The following TMEM131 variants were observed in gnomAD, a reference collection of about 807,000 sequenced individuals.
The protein encoded by TMEM131 is 2610524E03Rik.
TMEM131 carries 66 observed loss-of-function variants against 211.6 expected under a neutral mutation model. The ratio of observed to expected loss-of-function variants is 0.31; its 90% CI spans 0.26 to 0.38. The LOEUF is 0.38. TMEM131 is among the 10% of genes least tolerant of loss of function. TMEM131 has a pLI of 1.00. For missense variants in TMEM131, 2,036 were observed against 2,299.3 expected (o/e 0.89, Z 2.34); for synonymous variants, 844 against 841.3 (o/e 1.00, Z -0.06).
chr2:97,825,788 T>C (rs1293039125), intron 11 of TMEM131, among the ~76,000 whole-genome samples: 1 of 152,226 alleles, frequency 6.6e-6, no homozygotes, highest in Admixed American at 6.5e-5. Context: ...CTGGCCTCAC[T>C]GTTTATGAGT....
intron 5 of TMEM131, among the ~76,000 whole-genome samples, chr2:97,858,172 T>A (rs1320334947): frequency 6.6e-6 from 1 of 152,164 alleles, no homozygotes; most frequent in Non-Finnish European, 1.5e-5. Context: ...AACCAATATC[T>A]TACATGGCTA....
Position 97,760,790 on chromosome 2 carries a change from G to A in TMEM131, c.5011+3C>T. 5 of 1,614,036 alleles carry A rather than the reference G, an allele frequency of 3.1e-6. No individual in the cohort carries two copies. Among genetic ancestry groups the A allele is most frequent in the Non-Finnish European group, 4.2e-6 (5 of 1,179,890 alleles). ...GGCAGGTCTCTGAAGCAAAGGCACT[G>A]ACCTGGGCTCTTGTCGTAGCCAGCC... On this transcript the variant is annotated splice_donor_region_variant and intron_variant, in intron 37 of 40. Transcript: ENST00000186436.
At chr2:97,757,764 G>A (rs13010946) in intron 40 of TMEM131, among the ~76,000 whole-genome samples, 112,778 of 152,212 alleles carry the variant, frequency 0.74, 43,441 homozygotes, top group African/African-American at 0.87. Context: ...TTTGTAAAGA[G>A]AGTTGTATTG....
chr2:97,969,823 T>C (rs1389916762), intron 1 of TMEM131, among the ~76,000 whole-genome samples: 1 of 152,248 alleles, frequency 6.6e-6, no homozygotes, highest in Non-Finnish European at 1.5e-5. Context: ...CAGTGTTTCA[T>C]ACAACACTGG....
intron 1 of TMEM131, among the ~76,000 whole-genome samples, chr2:97,966,599 T>C (rs1011948120): frequency 6.6e-6 from 1 of 152,148 alleles, no homozygotes; most frequent in African/African-American, 2.4e-5. Flanking sequence ...ACTAAGGAGT[T>C]GGTCTGGTCC....
At chr2:97,760,063 T>G in intron 38 of TMEM131, 1 of 329,942 alleles carries the variant, frequency 3.0e-6, no homozygotes, top group African/African-American at 2.1e-5. Flanking sequence ...CTATTTCAAA[T>G]CTAGAACTCA....
At position 97,757,285 on chromosome 2, in the gene TMEM131, T is replaced by G; in HGVS notation, c.5466A>C (p.Pro1822=). 1 of 1,613,844 alleles carries G rather than the reference T, an allele frequency of 6.2e-7. No individual in the cohort carries two copies. Among genetic ancestry groups the G allele is most frequent in the Non-Finnish European group, 8.5e-7 (1 of 1,179,864 alleles). The change falls in exon 41 of 41, where the codon CCA becomes CCC. Residue 1822 remains proline (P), a synonymous_variant. Coordinates refer to ENST00000186436, the MANE Select transcript of TMEM131 (RefSeq NM_015348.2). ...GGCCGATGCTTGCCAGCGTGTTTGC[T>G]GGAGTGGTGAAGGGAAGGGCGCTGC... ...NLSSALPFTT[P]ANTLASIGLM...
In TMEM131 at chr2:97,796,411, G is replaced by A. The variant is rs376085827; in HGVS notation, c.3014-7C>T. 2.8e-5 allele frequency: 41 copies of A among 1,487,352 alleles called. No individual in the cohort carries two copies. In the African/African-American group the frequency reaches 5.3e-4, roughly 19 times the overall value. 92.1% of individuals were successfully genotyped at this position (1,487,352 alleles called of 1,614,324 possible). A position where few individuals can be genotyped will look rare whatever the true frequency, so the allele number is the denominator to read the frequency against. On this transcript the variant is annotated splice_region_variant and splice_polypyrimidine_tract_variant and intron_variant, in intron 27 of 40. Transcript: ENST00000186436. The stretch of plus-strand genomic sequence containing the variant: ...GGTTCTCTTAGTTTTAAACCTAAAG[G>A]ATAAAAAATCAGGAATAAGACTAAA...
intron 35 of TMEM131, 137 bp downstream of exon 35, chr2:97,765,977 G>GT: frequency 7.2e-6 from 8 of 1,110,778 alleles, no homozygotes; most frequent in Non-Finnish European, 1.0e-5. Context: ...GATTAGGCTA[G>GT]TTAACAATGG....
At chr2:97,940,636 G>A (rs146901214) in intron 1 of TMEM131, among the ~76,000 whole-genome samples, 2,209 of 151,960 alleles carry the variant, frequency 0.015, 22 homozygotes, top group Non-Finnish European at 0.019. Flanking sequence ...GTGAAACCCC[G>A]TCTCTACTAA....
In TMEM131 at chr2:97,793,432, C is replaced by G. The variant is rs1382708246; in HGVS notation, c.3508G>C (p.Asp1170His). The change falls in exon 30 of 41, where the codon GAT becomes CAT. Residue 1170 changes from aspartate to histidine, a missense_variant. Physicochemically the swap from Asp to His is moderately conservative, Grantham distance 81. Around this residue, in one of 3 missense-constraint regions of TMEM131, gnomAD observed 1,623 missense variants for 1,805.9 expected, o/e 0.90. Coordinates refer to ENST00000186436, the MANE Select transcript of TMEM131 (RefSeq NM_015348.2). ...GAAATACCAACGATTCTCCTGAGAT[C>G]AAATGGCCTTCCCACATCGAAGGGC... ...NPPFDVGRPF[D>H]LRRIVGISSE... is the part of the protein sequence containing the mutation. 2 of 1,613,914 alleles carry G rather than the reference C, an allele frequency of 1.2e-6. No individual in the cohort carries two copies. The highest frequency in any genetic ancestry group is 1.1e-5 in the South Asian group (1 of 91,060).
At position 97,762,094 on chromosome 2, in the gene TMEM131, G is replaced by C; in HGVS notation, c.4830C>G (p.Ala1610=). The C allele has an allele frequency of 6.2e-7, 1 of 1,611,794 alleles. No individual in the cohort carries two copies. Among genetic ancestry groups the C allele is most frequent in the Non-Finnish European group, 8.5e-7 (1 of 1,178,870 alleles). The change falls in exon 36 of 41, where the codon GCC becomes GCG. Residue 1610 remains alanine (A), a synonymous_variant. Coordinates refer to ENST00000186436, the MANE Select transcript of TMEM131 (RefSeq NM_015348.2). ...PTPASPSPPA[A]PCPFVARGSY... is the part of the protein sequence containing the mutation. ...TGCCCCGGGCCACAAAGGGGCAGGG[G>C]GCAGCTGGGGGAGACGGGGAAGCAG... is the stretch of plus-strand genomic sequence containing the variant.
Position 97,983,991 on chromosome 2 carries a change from T to C in TMEM131, c.187+11485A>G, listed in dbSNP as rs558095174. ...TTGTGATAATTAGCTACAGGCACAA[T>C]AGGAAACTAACACAGAGTCCCAAGG... On this transcript the variant is annotated intron_variant, in intron 1 of 40. Coordinates refer to ENST00000186436, the MANE Select transcript of TMEM131 (RefSeq NM_015348.2). 5.9e-5 allele frequency among the ~76,000 whole-genome samples: 9 copies of C among 152,252 alleles called. No homozygotes were observed. In the East Asian group the frequency reaches 1.4e-3, roughly 23 times the overall value.
intron 3 of TMEM131, among the ~76,000 whole-genome samples, chr2:97,905,889 G>A (rs917170247): frequency 1.1e-4 from 16 of 152,160 alleles, no homozygotes; most frequent in Non-Finnish European, 1.5e-5. Context: ...AATGAGATCT[G>A]CCAATATCCT....
chr2:97,910,149 G>A (rs192168611), intron 2 of TMEM131, among the ~76,000 whole-genome samples: 1 of 152,068 alleles, frequency 6.6e-6, no homozygotes, highest in African/African-American at 2.4e-5. Context: ...AACCATTAGG[G>A]AAATGCAAAT....
chr2:97,858,435 T>G (rs1673933180), intron 5 of TMEM131, among the ~76,000 whole-genome samples: 1 of 152,186 alleles, frequency 6.6e-6, no homozygotes, highest in African/African-American at 2.4e-5. Flanking sequence ...AAATTACAAA[T>G]AAAATTTTAG....
chr2:97,812,250 T>C (rs1426855246), intron 17 of TMEM131, among the ~76,000 whole-genome samples, 171 bp downstream of exon 17: 2 of 152,214 alleles, frequency 1.3e-5, no homozygotes, highest in Non-Finnish European at 2.9e-5. Flanking sequence ...GCCCTCATCA[T>C]AAAAATAGGG....
intron 3 of TMEM131, among the ~76,000 whole-genome samples, chr2:97,889,341 AAC>A (rs1367040364): frequency 6.6e-6 from 1 of 152,138 alleles, no homozygotes; most frequent in Non-Finnish European, 1.5e-5. Flanking sequence ...AATTCCTTGC[AAC>A]ACAGTGTTGG....
intron 2 of TMEM131, among the ~76,000 whole-genome samples, chr2:97,926,067 G>A (rs1286691248): frequency 1.3e-5 from 2 of 150,876 alleles, no homozygotes; most frequent in South Asian, 2.1e-4. Context: ...AGCCGAGATC[G>A]CGCCACTGCA....
Sources: gnomAD v4.1 joint callset for allele counts (sites outside exome capture counted in the v4.1 genomes callset) on GRCh38, gnomAD v4.1.1 for gene constraint, gnomAD v4.1.1 regional missense constraint, MANE v1.5 for transcripts, NCBI Gene and HGNC (gene_info 2026-07-23, HGNC 2026-07-21) for gene names.